TCTN3: variants seen among roughly 807,000 people sequenced by gnomAD.
The protein encoded by TCTN3 is tectonic family member 3.
A neutral mutation model predicts 71.3 loss-of-function variants in TCTN3; 57 were observed. The ratio of observed to expected loss-of-function variants is 0.80; its 90% CI spans 0.65 to 1.00. The LOEUF (loss-of-function observed/expected upper bound fraction) is 1.00, where lower values mean the gene tolerates loss of function less well. Among genes scored for constraint, TCTN3 ranks in the 50% least tolerant of loss-of-function variants. TCTN3 has a pLI of 0.00. For missense variants in TCTN3, 696 were observed against 719.9 expected, an observed-to-expected ratio of 0.97 and a Z score of 0.38; for synonymous variants, 258 against 267.8, an observed-to-expected ratio of 0.96 and a Z score of 0.36.
rs1378128605 is a variant in TCTN3, at chr10:95,663,454, A to G, written c.*613T>C. 1 of 152,738 alleles carries G rather than the reference A, an allele frequency of 6.5e-6. No individual in the cohort carries two copies. The highest frequency in any genetic ancestry group is 1.5e-5 in the Non-Finnish European group (1 of 68,406). The allele number at this position is 152,738 out of a possible 1,614,324, so 9.5% of individuals were successfully genotyped here. ...TATTTTTCCTCACAATGAACGGAAG[A>G]AAAAGGCAGAAATAAATGGTAGGGT... On this transcript the variant is annotated 3_prime_UTR_variant, in exon 14 of 14. Coordinates refer to ENST00000371217, the MANE Select transcript of TCTN3 (RefSeq NM_015631.6).
chr10:95,682,784 C>T lies in TCTN3; in HGVS notation c.1319G>A (p.Ser440Asn). 1.2e-6 allele frequency: 2 copies of T among 1,614,016 alleles called. No individual in the cohort carries two copies. The highest frequency in any genetic ancestry group is 1.7e-6 in the Non-Finnish European group (2 of 1,179,960). Residue 440 changes from serine to asparagine, a missense_variant, in exon 12 of 14, where the codon AGC becomes AAC. Ser to Asn is a conservative substitution (Grantham distance 46). Transcript: ENST00000371217. ...CKLRLKKADC[S>N]HLQQEIYQTL... ...CTGATAAATCTCCTGCTGCAAGTGG[C>T]TGCAGTCTGCCTTCTTCAACCTATA...
intron 8 of TCTN3, 31 bp downstream of exon 8, chr10:95,685,525 T>A (rs778768701): frequency 3.2e-5 from 48 of 1,516,308 alleles, no homozygotes; most frequent in African/African-American, 4.1e-5. Flanking sequence ...TTAACACACA[T>A]CAGTCCAGAA....
intron 3 of TCTN3, among the ~76,000 whole-genome samples, chr10:95,692,462 TG>T: frequency 6.6e-6 from 1 of 151,890 alleles, no homozygotes; most frequent in Admixed American, 6.6e-5. Context: ...GCTGAGATCG[TG>T]CCACTGCACT....
chr10:95,687,353 A>G lies in TCTN3; in HGVS notation c.630T>C (p.Ala210=), dbSNP rs41299157. ...QTQSPPSFYR[A]GDPILTYFPK... ...GGAAGTAAGTAAGAATGGGGTCCCC[A>G]GCCTGAATAAAATATAAAAGAAACT... Residue 210 remains alanine, a splice_region_variant and synonymous_variant, in exon 5 of 14, where the codon GCT becomes GCC. Transcript: ENST00000371217. 11,837 of 1,602,830 alleles carry G rather than the reference A, an allele frequency of 7.4e-3. 63 individuals carry two copies. The highest frequency in any genetic ancestry group is 8.7e-3 in the Non-Finnish European group (10,187 of 1,176,742).
Position 95,693,673 on chromosome 10 carries a change from G to C in TCTN3, c.227C>G (p.Pro76Arg). The change falls in exon 1 of 14, where the codon CCT (proline) becomes CGT (arginine). Residue 76 changes from proline to arginine, a missense_variant. Coordinates refer to ENST00000371217, the MANE Select transcript of TCTN3 (RefSeq NM_015631.6). ...VVPTLVTPSA[P>R]GNRTVDLFPV... ...GAAGAGGTCCACAGTCCTATTCCCA[G>C]GGGCCGAGGGAGTCACGAGAGTAGG... 1 of 1,551,670 alleles carries C rather than the reference G, an allele frequency of 6.4e-7. No individual in the cohort carries two copies. Among genetic ancestry groups the C allele is most frequent in the Non-Finnish European group, 8.7e-7 (1 of 1,146,988 alleles).
At chr10:95,665,939 C>A (rs944363307) in intron 13 of TCTN3, among the ~76,000 whole-genome samples, 2 of 98,884 alleles carry the variant, frequency 2.0e-5, no homozygotes, top group African/African-American at 6.9e-5. Flanking sequence ...CAAATTAATT[C>A]TGTAGTTTTT....
At chr10:95,682,388 G>A (rs1025401468) in intron 12 of TCTN3, among the ~76,000 whole-genome samples, 6 of 151,994 alleles carry the variant, frequency 3.9e-5, no homozygotes, top group African/African-American at 1.5e-4. Flanking sequence ...TACTCGGGAG[G>A]CTGAGTGAGG....
chr10:95,686,436 C>T, intron 7 of TCTN3, 59 bp downstream of exon 7: 7 of 1,568,260 alleles, frequency 4.5e-6, no homozygotes, highest in Non-Finnish European at 6.1e-6. Flanking sequence ...CTAAAATTGC[C>T]TCAGATGCAG....
In TCTN3 at chr10:95,680,286, C is replaced by CA. The variant is rs11410990; in HGVS notation, c.1590+185dup. Among the ~76,000 whole-genome samples the CA allele has an allele frequency of 0.18, 28,127 of 152,110 alleles. 2,939 individuals carry two copies. Among genetic ancestry groups the CA allele is most frequent in the African/African-American group, 0.27 (11,374 of 41,446 alleles). ...AGGATATAAGCGGTATTCATGACAT[C>CA]ATGTTAATTTCAGTAATCAGGCAGG... On this transcript the variant is annotated intron_variant, in intron 13 of 13. Transcript: ENST00000371217.
intron 9 of TCTN3, 86 bp from the exon 10 acceptor site, chr10:95,683,715 A>G: frequency 8.8e-7 from 1 of 1,141,038 alleles, no homozygotes; most frequent in Non-Finnish European, 1.2e-6. Context: ...ACCCTTCCTT[A>G]AGGCAAGGAA....
intron 13 of TCTN3, among the ~76,000 whole-genome samples, chr10:95,667,677 T>C (rs79937244): frequency 1.3e-5 from 2 of 152,292 alleles, no homozygotes; most frequent in East Asian, 3.9e-4. Context: ...AATGGGGAAT[T>C]ATCCCTTCTC....
chr10:95,693,450 T>C lies in TCTN3; in HGVS notation c.283A>G (p.Thr95Ala), dbSNP rs749447795. The change falls in exon 2 of 14, where the codon ACT (threonine) becomes GCT (alanine). Residue 95 changes from threonine to alanine, a missense_variant. Thr to Ala is a moderately conservative substitution (Grantham distance 58). Coordinates refer to ENST00000371217, the MANE Select transcript of TCTN3 (RefSeq NM_015631.6). ...CAATTTATATCGCAGGCTCCAGGAG[T>C]CAAGTCACAGACACAGATCGGTAAG... is the stretch of plus-strand genomic sequence containing the variant. ...PVLPICVCDL[T>A]PGACDINCCC... The C allele has an allele frequency of 6.4e-7, 1 of 1,551,496 alleles. No individual in the cohort carries two copies.
At chr10:95,676,946 T>C (rs1404801934) in intron 13 of TCTN3, among the ~76,000 whole-genome samples, 1 of 152,124 alleles carries the variant, frequency 6.6e-6, no homozygotes, top group African/African-American at 2.4e-5. Context: ...AGAAGTAAAA[T>C]AACTTGATTT....
rs1221992171 is a variant in TCTN3, at chr10:95,683,521, C to G, written c.1203+1G>C. 4.3e-6 allele frequency: 7 copies of G among 1,614,044 alleles called. No individual in the cohort carries two copies. Among genetic ancestry groups the G allele is most frequent in the Non-Finnish European group, 5.1e-6 (6 of 1,180,040 alleles). ...AGGCCACCCAGCTCTAAAAAGGATA[C>G]TGAGTAACTTATATCATCAGTCAGA... On this transcript the variant is annotated splice_donor_variant, in intron 10 of 13. Coordinates refer to ENST00000371217, the MANE Select transcript of TCTN3 (RefSeq NM_015631.6). LOFTEE classifies it high-confidence loss of function.
chr10:95,678,895 C>T (rs1251344191), intron 13 of TCTN3, among the ~76,000 whole-genome samples: 1 of 152,074 alleles, frequency 6.6e-6, no homozygotes, highest in Non-Finnish European at 1.5e-5. Context: ...CTGGTTAGCC[C>T]ATAAAGTGAA....
intron 12 of TCTN3, among the ~76,000 whole-genome samples, chr10:95,682,177 A>G (rs1438497966): frequency 6.9e-6 from 1 of 145,282 alleles, no homozygotes; most frequent in Non-Finnish European, 1.5e-5. Flanking sequence ...CCTAGGTAAG[A>G]GTTCAAGATC....
rs2097923422 is a variant in TCTN3 at position 95,663,402 on chromosome 10, T to C, written c.*665A>G. 6.6e-6 allele frequency: 1 copy of C among 152,474 alleles called. No homozygotes were observed. The highest frequency in any genetic ancestry group is 2.1e-4 in the South Asian group (1 of 4,832). 9.4% of individuals were successfully genotyped at this position (152,474 alleles called of 1,614,324 possible). ...CTGCCTTCTACCATGCTGCTGGAAT[T>C]AGTACAACAAAGCTCTCAACCAGTT... is the stretch of plus-strand genomic sequence containing the variant. On this transcript the variant is annotated 3_prime_UTR_variant, in exon 14 of 14. Transcript: ENST00000371217.
Position 95,663,902 on chromosome 10 carries a change from C to G in TCTN3, c.*165G>C. 3.2e-6 allele frequency: 2 copies of G among 625,310 alleles called. No individual in the cohort carries two copies. Among genetic ancestry groups the G allele is most frequent in the Non-Finnish European group, 5.6e-6 (2 of 356,718 alleles). 38.7% of individuals were successfully genotyped at this position (625,310 alleles called of 1,614,324 possible). On this transcript the variant is annotated 3_prime_UTR_variant, in exon 14 of 14. Coordinates refer to ENST00000371217, the MANE Select transcript of TCTN3 (RefSeq NM_015631.6). ...TATGATGAATAAAATATTTTTATTG[C>G]TTTTCTAAAATAACTCCTTTCATAT...
At chr10:95,682,938 C>T in intron 11 of TCTN3, 134 bp from the exon 12 acceptor site, 2 of 1,317,374 alleles carry the variant, frequency 1.5e-6, no homozygotes, top group Non-Finnish European at 2.1e-6. Flanking sequence ...TAGGTATTAA[C>T]AATTGCCAGA....
Sources: gnomAD v4.1 joint callset for allele counts (sites outside exome capture counted in the v4.1 genomes callset) on GRCh38, gnomAD v4.1.1 for gene constraint, MANE v1.5 for transcripts, NCBI Gene and HGNC (gene_info 2026-07-23, HGNC 2026-07-21) for gene names.